Variants in PGAP6 observed in about 807,000 individuals in gnomAD.
PGAP6 encodes the protein post-GPI attachment to proteins 6, also known as post-GPI attachment to proteins factor 6.
PGAP6 carries 62 observed loss-of-function variants against 68.4 expected under a neutral mutation model. That is an observed-to-expected ratio of 0.91 (90% CI 0.74 to 1.12). PGAP6 has a LOEUF of 1.12. Ranked by LOEUF, PGAP6 falls within the 50% of genes most tolerant of loss-of-function variation. The pLI, the probability that PGAP6 is intolerant of heterozygous loss-of-function variation, is 0.00. For synonymous variants in PGAP6, 575 were observed against 474.0 expected, an observed-to-expected ratio of 1.21 and a Z score of -2.77; for missense variants, 1,188 against 1,068.5, an observed-to-expected ratio of 1.11 and a Z score of -1.56.
In PGAP6 at chr16:376,881, C is replaced by G. The variant is rs552036633; in HGVS notation, c.636-69G>C. The G allele has an allele frequency of 5.1e-6, 8 of 1,577,064 alleles. No homozygotes were observed. The African/African-American group carries it at 1.1e-4, about 21-fold the overall frequency. ...AGCCCAGGGACGCAGCGTGCCCAGG[C>G]TCTGCTGTTCCTCAGCCCACTCTGG... On this transcript the variant is annotated intron_variant, in intron 4 of 12. Coordinates refer to ENST00000431232, the MANE Select transcript of PGAP6 (RefSeq NM_021259.3).
chr16:382,806 C>G (rs959451571), upstream of PGAP6, among the ~76,000 whole-genome samples: 17 of 152,170 alleles, frequency 1.1e-4, no homozygotes, highest in African/African-American at 3.9e-4. Flanking sequence ...AAAGACGAGC[C>G]CCCGACTGGG....
chr16:383,908 G>A (rs1051618389), upstream of PGAP6, among the ~76,000 whole-genome samples: 3 of 152,238 alleles, frequency 2.0e-5, no homozygotes, highest in Admixed American at 2.0e-4. Flanking sequence ...CCAGAGCAGC[G>A]GAGGTGGAGG....
At chr16:380,832 A>G (rs1201206670) in intron 1 of PGAP6, among the ~76,000 whole-genome samples, 1 of 151,688 alleles carries the variant, frequency 6.6e-6, no homozygotes, top group Non-Finnish European at 1.5e-5. Flanking sequence ...GAAGTCGGGG[A>G]ACAGCACCGC....
upstream of PGAP6, among the ~76,000 whole-genome samples, chr16:384,772 C>T (rs1034722754): frequency 1.9e-4 from 29 of 151,180 alleles, no homozygotes; most frequent in Admixed American, 6.6e-4. Flanking sequence ...AGGAGAATGG[C>T]GTGAACCCAG....
rs1292438043 is a variant in PGAP6, at chr16:375,548, T to TC, written c.1225-114dup. The TC allele has an allele frequency of 1.4e-5, 12 of 857,368 alleles. No individual in the cohort carries two copies. The African/African-American group carries it at 1.7e-4, about 12-fold the overall frequency. The allele number at this position is 857,368 out of a possible 1,614,324, so 53.1% of individuals were successfully genotyped here. ...TGGTGCCTTTCTTTTTTTTTTTTTT[T>TC]CTGAGATGGAGTCTTGCTCTGTCGC... On this transcript the variant is annotated intron_variant, in intron 6 of 12. Transcript: ENST00000431232.
chr16:381,650 G>T (rs1255450468), intron 1 of PGAP6, 51 bp downstream of exon 1: 39 of 986,890 alleles, frequency 4.0e-5, no homozygotes, highest in Admixed American at 9.8e-5. Context: ...ATCCCGCCCC[G>T]CCCGCAGCCC....
chr16:376,944 C>T (rs889708844), intron 4 of PGAP6, 93 bp downstream of exon 4: 1 of 1,570,382 alleles, frequency 6.4e-7, no homozygotes, highest in African/African-American at 1.4e-5. Flanking sequence ...CAGCCCAACC[C>T]CAGGACTCAG....
At chr16:379,746 A>T (rs1287079547) in intron 1 of PGAP6, among the ~76,000 whole-genome samples, 2 of 152,124 alleles carry the variant, frequency 1.3e-5, no homozygotes, top group Non-Finnish European at 2.9e-5. Context: ...TTGTCCTAAC[A>T]CCCAGTCCCC....
chr16:376,689 C>G lies in PGAP6; in HGVS notation c.759G>C (p.Gln253His). The change falls in exon 5 of 13, where the codon CAG (glutamine) becomes CAC (histidine). Residue 253 changes from glutamine to histidine, a missense_variant. Coordinates refer to ENST00000431232, the MANE Select transcript of PGAP6 (RefSeq NM_021259.3). Reference protein sequence around the residue: ...VGPVTLPSNFQKVLTCTGAPW... With the variant: ...VGPVTLPSNFHKVLTCTGAPW... ...GGGCACCGGTGCAGGTGAGCACCTTCTGGAAGTTGCTAGGCAGGGTGACCG... is the reference window on the plus strand; with the variant it reads ...GGGCACCGGTGCAGGTGAGCACCTTGTGGAAGTTGCTAGGCAGGGTGACCG... 1.2e-6 allele frequency: 2 copies of G among 1,611,546 alleles called. No individual in the cohort carries two copies. Among genetic ancestry groups the G allele is most frequent in the Non-Finnish European group, 1.7e-6 (2 of 1,179,682 alleles).
In PGAP6 at chr16:373,929, C is replaced by T. The variant is rs868107331; in HGVS notation, c.1902+76G>A. 86 of 1,477,684 alleles carry T rather than the reference C, an allele frequency of 5.8e-5. No individual in the cohort carries two copies. The Middle Eastern group carries it at 9.3e-4, about 16-fold the overall frequency. The allele number at this position is 1,477,684 out of a possible 1,614,324, so 91.5% of individuals were successfully genotyped here. A position where few individuals can be genotyped will look rare whatever the true frequency, so the allele number is the denominator to read the frequency against. On this transcript the variant is annotated intron_variant, in intron 11 of 12. Coordinates refer to ENST00000431232, the MANE Select transcript of PGAP6 (RefSeq NM_021259.3). ...CCAACGCCAGGTCCGGCCTCTCCCACGGTACTGCCTTTCGCAGGCTGCACT... is the reference window on the plus strand; with the variant it reads ...CCAACGCCAGGTCCGGCCTCTCCCATGGTACTGCCTTTCGCAGGCTGCACT...
At chr16:373,981 C>T (rs1026269486) in intron 11 of PGAP6, 24 bp downstream of exon 11, 5 of 1,585,666 alleles carry the variant, frequency 3.2e-6, no homozygotes, top group Non-Finnish European at 1.7e-6. Context: ...CCGGAGCCCA[C>T]ACCCCACGTC....
At position 374,027 on chromosome 16, in the gene PGAP6, C is replaced by A; in HGVS notation, c.1880G>T (p.Arg627Leu). ...CACGTATTTCAGGACTGTCTTGAGCCGTGCCATGCACAGGATGGTGACCCA... is the reference window on the plus strand; with the variant it reads ...CACGTATTTCAGGACTGTCTTGAGCAGTGCCATGCACAGGATGGTGACCCA... ...AIWVTILCMA[R>L]LKTVLKYVLF... Residue 627 changes from arginine (R) to leucine (L), a missense_variant, in exon 11 of 13, where the codon CGG becomes CTG. Arg to Leu is a moderately radical substitution (Grantham distance 102). Transcript: ENST00000431232. The A allele has an allele frequency of 6.2e-7, 1 of 1,611,270 alleles. No homozygotes were observed. Among genetic ancestry groups the A allele is most frequent in the Non-Finnish European group, 8.5e-7 (1 of 1,179,826 alleles).
chr16:374,937 G>A (rs374859561), intron 8 of PGAP6, 45 bp from the exon 9 acceptor site: 306 of 1,610,074 alleles, frequency 1.9e-4, no homozygotes, highest in Middle Eastern at 1.7e-3. Context: ...TGATCTGACA[G>A]CCCAGCTGCC....
At chr16:381,138 G>A (rs1489344102) in intron 1 of PGAP6, among the ~76,000 whole-genome samples, 1 of 152,190 alleles carries the variant, frequency 6.6e-6, no homozygotes, top group Non-Finnish European at 1.5e-5. Context: ...GGAGAGGGGC[G>A]CCCTTTCCTC....
chr16:385,477 A>G (rs2054475591), upstream of PGAP6, among the ~76,000 whole-genome samples: 1 of 145,780 alleles, frequency 6.9e-6, no homozygotes, highest in Admixed American at 6.9e-5. Flanking sequence ...ATTCCTGGCT[A>G]ATTTTTTTTG....
In PGAP6 at chr16:374,198, C is replaced by A. The variant is rs200950242; in HGVS notation, c.1755+23G>T. The A allele has an allele frequency of 3.4e-5, 55 of 1,610,616 alleles. No individual in the cohort carries two copies. The African/African-American group carries it at 6.3e-4, about 18-fold the overall frequency. On this transcript the variant is annotated intron_variant, in intron 10 of 12. Coordinates refer to ENST00000431232, the MANE Select transcript of PGAP6 (RefSeq NM_021259.3). ...GCGGTCCTGCCCTCCCACCCCACAT[C>A]CCTGCAGGAGGGGCCAGCCTACCGT...
chr16:372,304 G>A (rs1190439497), intron 12 of PGAP6, 21 bp from the exon 13 acceptor site: 1 of 1,600,010 alleles, frequency 6.2e-7, no homozygotes, highest in South Asian at 1.1e-5. Context: ...CAGCCACGCA[G>A]GTATCAGTGC....
In PGAP6 at chr16:372,119, C is replaced by T. The variant is rs535340088; in HGVS notation, c.2184G>A (p.Leu728=). Residue 728 remains leucine (L), a synonymous_variant, in exon 13 of 13, where the codon CTG becomes CTA. Coordinates refer to ENST00000431232, the MANE Select transcript of PGAP6 (RefSeq NM_021259.3). The part of the protein sequence containing the change: ...YYYTHSIWHI[L]LAGSAALLLP... Reference sequence around the variant, plus strand: ...GCAGCAAGGCTGCGCTCCCGGCCAGCAGGATGTGCCAGATGCTGTGGGTGT... The same window carrying T: ...GCAGCAAGGCTGCGCTCCCGGCCAGTAGGATGTGCCAGATGCTGTGGGTGT... 189 of 1,612,890 alleles carry T rather than the reference C, an allele frequency of 1.2e-4. 1 individual carries two copies. The South Asian group carries it at 2.0e-3, about 17-fold the overall frequency.
intron 6 of PGAP6, among the ~76,000 whole-genome samples, chr16:375,722 G>T (rs563629795): frequency 1.3e-5 from 2 of 152,206 alleles, no homozygotes; most frequent in African/African-American, 4.8e-5. Context: ...AGTAGAGACG[G>T]GGTTTCACCG....
Sources: gnomAD v4.1 joint callset for allele counts (sites outside exome capture counted in the v4.1 genomes callset) on GRCh38, gnomAD v4.1.1 for gene constraint, MANE v1.5 for transcripts, NCBI Gene and HGNC (gene_info 2026-07-23, HGNC 2026-07-21) for gene names.